Variants in IGSF5 observed in about 807,000 individuals in gnomAD.
The protein encoded by IGSF5 is immunoglobulin superfamily member 5, also known as immunoglobulin superfamily 5 like.
A neutral mutation model predicts 39.4 loss-of-function variants in IGSF5; 41 were observed. The ratio of observed to expected loss-of-function variants is 1.04; its 90% CI spans 0.81 to 1.35. The LOEUF is 1.35. Ranked by LOEUF, IGSF5 falls within the 40% of genes most tolerant of loss-of-function variation. The pLI is 0.00. For missense variants in IGSF5, 487 were observed against 494.6 expected (o/e 0.98, Z 0.15); for synonymous variants, 183 against 175.3 (o/e 1.04, Z -0.34).
At chr21:39,786,129 C>T (rs1003096230) in intron 5 of IGSF5, among the ~76,000 whole-genome samples, 1 of 151,724 alleles carries the variant, frequency 6.6e-6, no homozygotes. Flanking sequence ...AACTAAAGAG[C>T]TTCTGCACAG....
upstream of IGSF5, among the ~76,000 whole-genome samples, chr21:39,742,353 C>T (rs1249804813): frequency 1.3e-5 from 2 of 152,262 alleles, no homozygotes; most frequent in Non-Finnish European, 2.9e-5. Context: ...TAGGACCCCT[C>T]GGATAGTGAC....
At chr21:39,717,249 G>T in the IGSF5 span, among the ~76,000 whole-genome samples, 1 of 152,080 alleles carries the variant, frequency 6.6e-6, no homozygotes, top group Non-Finnish European at 1.5e-5. Context: ...TTAGACCTTT[G>T]TCAGATGCAT....
chr21:39,722,678 C>T, the IGSF5 span: 1 of 152,146 alleles, frequency 6.6e-6, no homozygotes, highest in Admixed American at 6.5e-5. Context: ...AATTTCATCC[C>T]TTGTATCTTT....
chr21:39,777,498 C>G (rs1237671329), intron 4 of IGSF5, among the ~76,000 whole-genome samples: 3 of 152,134 alleles, frequency 2.0e-5, no homozygotes, highest in Non-Finnish European at 2.9e-5. Context: ...TGTGAAGGGT[C>G]TGCCTTGTGT....
At chr21:39,779,684 T>C (rs1225912884) in intron 5 of IGSF5, among the ~76,000 whole-genome samples, 1 of 152,108 alleles carries the variant, frequency 6.6e-6, no homozygotes, top group African/African-American at 2.4e-5. Flanking sequence ...ATAAAGAAAA[T>C]GTGGTATATA....
the IGSF5 span, among the ~76,000 whole-genome samples, chr21:39,734,439 T>TACACACACACACACAC: frequency 1.2e-4 from 15 of 120,300 alleles, no homozygotes; most frequent in African/African-American, 2.7e-4. Context: ...AAAAAAAAAA[T>TACACACACACACACAC]ACACACACAC....
At chr21:39,731,185 A>G in the IGSF5 span, among the ~76,000 whole-genome samples, 4 of 152,208 alleles carry the variant, frequency 2.6e-5, no homozygotes, top group African/African-American at 9.6e-5. Context: ...GTGTTATAAG[A>G]TAATCTAGGA....
the IGSF5 span, among the ~76,000 whole-genome samples, chr21:39,730,907 C>A: frequency 6.6e-6 from 1 of 152,136 alleles, no homozygotes; most frequent in East Asian, 1.9e-4. Context: ...TGGCTTAGAG[C>A]CAAGAAACCA....
In IGSF5 at chr21:39,796,283, C is replaced by T. The variant is rs573571621; in HGVS notation, c.1128+2670C>T. Among the ~76,000 whole-genome samples, 151 of 152,246 alleles carry T rather than the reference C, an allele frequency of 9.9e-4. 5 individuals carry two copies. Among genetic ancestry groups the T allele is most frequent in the Non-Finnish European group, 3.8e-4 (26 of 68,034 alleles). ...CAGCTTGTAGAAGCAGTCAGGGTGA[C>T]GCTGGTACAGAGGTTCCTTTTAAGA... On this transcript the variant is annotated intron_variant, in intron 8 of 8. Transcript: ENST00000380588.
the IGSF5 span, chr21:39,729,984 C>T: frequency 6.6e-6 from 1 of 152,180 alleles, no homozygotes; most frequent in East Asian, 1.9e-4. Flanking sequence ...CAGTGTGGAT[C>T]AGTTTCCTAG....
chr21:39,736,837 T>C, the IGSF5 span, among the ~76,000 whole-genome samples: 1 of 152,288 alleles, frequency 6.6e-6, no homozygotes, highest in Admixed American at 6.5e-5. Context: ...GGCATCTTGG[T>C]GAGGGGAGTC....
intron 3 of IGSF5, among the ~76,000 whole-genome samples, chr21:39,769,094 CA>C (rs1416098369): frequency 6.6e-6 from 1 of 152,180 alleles, no homozygotes; most frequent in Non-Finnish European, 1.5e-5. Flanking sequence ...AAGGTCCATT[CA>C]AAGTGCCAGA....
At chr21:39,795,923 G>T (rs1336594480) in intron 8 of IGSF5, among the ~76,000 whole-genome samples, 1 of 152,090 alleles carries the variant, frequency 6.6e-6, no homozygotes, top group Non-Finnish European at 1.5e-5. Flanking sequence ...ACTAATGAGG[G>T]TTATTAAATA....
At chr21:39,748,334 A>T (rs2079986480) in intron 2 of IGSF5, among the ~76,000 whole-genome samples, 2 of 46,658 alleles carry the variant, frequency 4.3e-5, no homozygotes, top group Admixed American at 3.3e-4. Context: ...TTTTTGAGAC[A>T]GCGTCTCTCT....
At chr21:39,791,203 A>G (rs2086962858) in intron 6 of IGSF5, among the ~76,000 whole-genome samples, 1 of 152,190 alleles carries the variant, frequency 6.6e-6, no homozygotes, top group African/African-American at 2.4e-5. Context: ...GAGCTCTCAT[A>G]TGTAATAATT....
chr21:39,800,629 G>C (rs1025212536), intron 8 of IGSF5, among the ~76,000 whole-genome samples: 3 of 152,212 alleles, frequency 2.0e-5, no homozygotes, highest in Admixed American at 1.3e-4. Context: ...ATCATGCCCA[G>C]TTACATTATT....
chr21:39,801,253 T>C lies in IGSF5; in HGVS notation c.1129-9T>C, dbSNP rs772231803. On this transcript the variant is annotated splice_polypyrimidine_tract_variant and intron_variant, in intron 8 of 8. Transcript: ENST00000380588. ...CATTAAATTGACTTTTTTCCTCCTC[T>C]GTTGCCAGCGGGCTGATCAACGTCC... The C allele has an allele frequency of 5.0e-6, 8 of 1,612,540 alleles. No individual in the cohort carries two copies. In the South Asian group the frequency reaches 8.8e-5, roughly 18 times the overall value.
intron 2 of IGSF5, among the ~76,000 whole-genome samples, chr21:39,762,020 C>A (rs1042020916): frequency 6.6e-6 from 1 of 152,076 alleles, no homozygotes; most frequent in Non-Finnish European, 1.5e-5. Flanking sequence ...CTCGGAGATG[C>A]CTGGTAGGAC....
At position 39,765,520 on chromosome 21, in the gene IGSF5, T is replaced by C. The variant is rs199499812; in HGVS notation, c.101-15T>C. 71 of 1,603,268 alleles carry C rather than the reference T, an allele frequency of 4.4e-5. No individual in the cohort carries two copies. The highest frequency in any genetic ancestry group is 6.7e-5 in the Admixed American group (4 of 59,468). ...TCCATTCATTTAACAACTTGAAAAA[T>C]TGGCTACCTTCCAGGTTCTGGGTCT... On this transcript the variant is annotated splice_polypyrimidine_tract_variant and intron_variant, in intron 2 of 8. Coordinates refer to ENST00000380588, the MANE Select transcript of IGSF5 (RefSeq NM_001080444.2).
Sources: gnomAD v4.1 joint callset for allele counts (sites outside exome capture counted in the v4.1 genomes callset) on GRCh38, gnomAD v4.1.1 for gene constraint, MANE v1.5 for transcripts, NCBI Gene and HGNC (gene_info 2026-07-23, HGNC 2026-07-21) for gene names.